Variants in BIRC6 observed in about 807,000 individuals in gnomAD.
BIRC6 encodes the protein dual E2 ubiquitin-conjugating enzyme/E3 ubiquitin-protein ligase BIRC6.
A neutral mutation model predicts 503.3 loss-of-function variants in BIRC6; 98 were observed. The observed-to-expected ratio is 0.19, with a 90% confidence interval of 0.17 to 0.23. The LOEUF (loss-of-function observed/expected upper bound fraction) is 0.23. Ranked by LOEUF, BIRC6 falls within the 10% of genes least tolerant of loss-of-function variation. The probability of loss-of-function intolerance (pLI) is 1.00; values close to 1 mark genes in which losing one functional copy is unlikely to be tolerated. For missense variants in BIRC6, 5,360 were observed against 5,806.0 expected (o/e 0.92, Z 2.50); for synonymous variants, 2,240 against 2,078.7 (o/e 1.08, Z -2.11).
At chr2:32,411,443 A>T (rs176401) in intron 9 of BIRC6, among the ~76,000 whole-genome samples, 52,770 of 142,740 alleles carry the variant, frequency 0.37, 10,035 homozygotes, top group East Asian at 0.66. Flanking sequence ...TTTTTTTTTT[A>T]AATTTTCTAT....
rs2045420320 is a variant in BIRC6, at chr2:32,441,438, A to G, written c.3920A>G (p.Lys1307Arg). 3 of 1,609,938 alleles carry G rather than the reference A, an allele frequency of 1.9e-6. No individual in the cohort carries two copies. The highest frequency in any genetic ancestry group is 2.5e-6 in the Non-Finnish European group (3 of 1,177,518). Residue 1307 changes from lysine to arginine, a missense_variant, in exon 17 of 74, where the codon AAG becomes AGG. Lys to Arg is a conservative substitution (Grantham distance 26). Around this residue, in one of 16 missense-constraint regions of BIRC6, gnomAD observed 2,299 missense variants for 2,267.2 expected, o/e 1.01. Coordinates refer to ENST00000421745, the MANE Select transcript of BIRC6 (RefSeq NM_016252.4). ...GTCTCAGTCACCATTCGAAGATTTA[A>G]GAAAACCTCAATTTCTAAGGAAAGG... ...QEVSVTIRRF[K>R]KTSISKERVQ... is the part of the protein sequence containing the mutation.
intron 59 of BIRC6, chr2:32,528,780 A>G (rs542879632): frequency 6.6e-6 from 1 of 152,250 alleles, no homozygotes; most frequent in South Asian, 2.1e-4. Flanking sequence ...AGGGTACACA[A>G]ACTTTATTAC....
intron 66 of BIRC6, among the ~76,000 whole-genome samples, chr2:32,588,825 A>G (rs958140405): frequency 6.6e-6 from 1 of 152,216 alleles, no homozygotes; most frequent in African/African-American, 2.4e-5. Flanking sequence ...AAATATTATT[A>G]TCTATTGTGA....
chr2:32,374,734 A>G (rs2036495273), intron 1 of BIRC6, among the ~76,000 whole-genome samples: 1 of 151,776 alleles, frequency 6.6e-6, no homozygotes, highest in African/African-American at 2.4e-5. Context: ...GGCCTCCCAA[A>G]GTGCTGGGAT....
intron 66 of BIRC6, among the ~76,000 whole-genome samples, chr2:32,585,900 A>G (rs2060990820): frequency 6.6e-6 from 1 of 152,210 alleles, no homozygotes. Context: ...TTTCTGCTCT[A>G]TGTAGTGGGC....
chr2:32,365,836 C>T (rs1190938234), intron 1 of BIRC6, among the ~76,000 whole-genome samples: 2 of 151,824 alleles, frequency 1.3e-5, no homozygotes, highest in Non-Finnish European at 2.9e-5. Context: ...AAAACAACTG[C>T]TTTTAAGCAG....
At chr2:32,601,800 A>T (rs1173723492) in intron 70 of BIRC6, among the ~76,000 whole-genome samples, 1 of 152,130 alleles carries the variant, frequency 6.6e-6, no homozygotes, top group East Asian at 1.9e-4. Flanking sequence ...GTAAGTATCT[A>T]ATGTTATCTT....
At chr2:32,574,217 A>G (rs1368716545) in intron 65 of BIRC6, among the ~76,000 whole-genome samples, 3 of 142,916 alleles carry the variant, frequency 2.1e-5, no homozygotes, top group African/African-American at 7.9e-5. Flanking sequence ...GCTGGAGTGC[A>G]GTGGCATGAT....
At chr2:32,605,415 A>T (rs1224165559) in intron 71 of BIRC6, among the ~76,000 whole-genome samples, 1 of 152,218 alleles carries the variant, frequency 6.6e-6, no homozygotes, top group Admixed American at 6.5e-5. Context: ...CCTTTTTTAT[A>T]AATTTGTAAT....
chr2:32,501,962 A>C, intron 47 of BIRC6, 74 bp downstream of exon 47: 1 of 1,322,102 alleles, frequency 7.6e-7, no homozygotes. Flanking sequence ...TTACAGGACA[A>C]AGATAAATAA....
At chr2:32,613,569 C>T (rs1292520515) in intron 73 of BIRC6, among the ~76,000 whole-genome samples, 2 of 151,804 alleles carry the variant, frequency 1.3e-5, no homozygotes, top group African/African-American at 2.4e-5. Context: ...TTAGTAGAGA[C>T]GGGGTTTCAC....
chr2:32,482,747 A>G (rs2050551224), intron 39 of BIRC6, among the ~76,000 whole-genome samples, 165 bp downstream of exon 39: 1 of 152,116 alleles, frequency 6.6e-6, no homozygotes, highest in Admixed American at 6.5e-5. Context: ...TAGTCACTTT[A>G]GAGGAACTTC....
At chr2:32,541,065 T>C (rs2057626871) in intron 61 of BIRC6, among the ~76,000 whole-genome samples, 1 of 152,070 alleles carries the variant, frequency 6.6e-6, no homozygotes, top group Admixed American at 6.6e-5. Context: ...TTGCTTTCAT[T>C]GTATTTGTTT....
At chr2:32,369,862 G>C (rs958109232) in intron 1 of BIRC6, among the ~76,000 whole-genome samples, 3 of 143,862 alleles carry the variant, frequency 2.1e-5, no homozygotes, top group Admixed American at 1.4e-4. Context: ...AGACTGAGGT[G>C]AGAAGATTGC....
chr2:32,539,148 A>G (rs1281619612), intron 61 of BIRC6, among the ~76,000 whole-genome samples: 1 of 152,234 alleles, frequency 6.6e-6, no homozygotes, highest in Non-Finnish European at 1.5e-5. Context: ...GAAAGTATTA[A>G]TTCAGAATAA....
intron 69 of BIRC6, 58 bp downstream of exon 69, chr2:32,598,026 C>A: frequency 7.2e-7 from 1 of 1,381,260 alleles, no homozygotes; most frequent in Non-Finnish European, 9.9e-7. Flanking sequence ...TCTAATTACT[C>A]AAATTTTTAT....
In BIRC6 at chr2:32,488,649, A is replaced by G; in HGVS notation, c.8030A>G (p.Lys2677Arg). 1 of 1,509,086 alleles carries G rather than the reference A, an allele frequency of 6.6e-7. No homozygotes were observed. The highest frequency in any genetic ancestry group is 9.0e-7 in the Non-Finnish European group (1 of 1,111,848). The allele number at this position is 1,509,086 out of a possible 1,614,324, so 93.5% of individuals were successfully genotyped here. A position where few individuals can be genotyped will look rare whatever the true frequency, so the allele number is the denominator to read the frequency against. Residue 2677 changes from lysine to arginine, a missense_variant, in exon 42 of 74, where the codon AAA becomes AGA. Lys to Arg is a conservative substitution (Grantham distance 26). Transcript: ENST00000421745. The part of the protein sequence containing the change: ...LSLNSSSTGN[K>R]ENGADIFLYN... ...CTGAATTCTAGTTCAACTGGAAACAAAGAAAATGGAGCAGACATATTTTTA... is the reference window on the plus strand; with the variant it reads ...CTGAATTCTAGTTCAACTGGAAACAGAGAAAATGGAGCAGACATATTTTTA...
intron 73 of BIRC6, among the ~76,000 whole-genome samples, chr2:32,617,472 G>A (rs2063321014): frequency 6.6e-6 from 1 of 152,178 alleles, no homozygotes; most frequent in African/African-American, 2.4e-5. Context: ...TGACAGCTTG[G>A]CAGCATGGGT....
At chr2:32,531,786 C>A (rs1025549523) in intron 61 of BIRC6, among the ~76,000 whole-genome samples, 1 of 152,170 alleles carries the variant, frequency 6.6e-6, no homozygotes, top group Non-Finnish European at 1.5e-5. Flanking sequence ...TACACTGTTG[C>A]ATTTATCTTG....
Sources: gnomAD v4.1 joint callset for allele counts (sites outside exome capture counted in the v4.1 genomes callset) on GRCh38, gnomAD v4.1.1 for gene constraint, gnomAD v4.1.1 regional missense constraint, MANE v1.5 for transcripts, NCBI Gene and HGNC (gene_info 2026-07-23, HGNC 2026-07-21) for gene names.